Variants in SLC15A5 observed in about 807,000 individuals in gnomAD.
The protein encoded by SLC15A5 is solute carrier family 15 member 5, also known as Peptide/histidine transporter ENSP00000340402.
Under a neutral mutation model 56.1 loss-of-function variants are expected in SLC15A5, and 58 were observed. That is an observed-to-expected ratio of 1.03 (90% confidence interval 0.84 to 1.29). The LOEUF (loss-of-function observed/expected upper bound fraction) is 1.29. SLC15A5 is among the 50% of genes most tolerant of loss of function. SLC15A5 has a pLI of 0.00. For synonymous variants in SLC15A5, 264 were observed against 250.5 expected (o/e 1.05, Z -0.51); for missense variants, 681 against 672.1 (o/e 1.01, Z -0.15).
At chr12:16,191,712 C>T (rs1302119341) in intron 8 of SLC15A5, among the ~76,000 whole-genome samples, 3 of 152,096 alleles carry the variant, frequency 2.0e-5, no homozygotes, top group African/African-American at 7.2e-5. Flanking sequence ...TCTCAGGTTT[C>T]ATACTGTGTC....
chr12:16,205,816 C>T (rs1225560176), intron 7 of SLC15A5, among the ~76,000 whole-genome samples: 1 of 151,844 alleles, frequency 6.6e-6, no homozygotes, highest in African/African-American at 2.4e-5. Context: ...AATATTTCCC[C>T]TCTTTACAAA....
rs1470103164 is a variant in SLC15A5, at chr12:16,277,613, C to T, written c.73G>A (p.Val25Ile). ...GAACACAAATCGCCAATATGTCTTA[C>T]AGTTTTCTCCTTCTCAATGCTGTGA... is the stretch of plus-strand genomic sequence containing the variant. ...LYHSIEKEKT[V>I]RHIGDLCSSH... is the part of the protein sequence containing the mutation. The change falls in exon 1 of 9, where the codon GTA (valine) becomes ATA (isoleucine). Residue 25 changes from valine (V) to isoleucine (I), a missense_variant. Val to Ile is a conservative substitution (Grantham distance 29, BLOSUM62 3). Coordinates refer to ENST00000344941, the MANE Select transcript of SLC15A5 (RefSeq NM_001170798.1). 46 of 1,536,180 alleles carry T rather than the reference C, an allele frequency of 3.0e-5. No homozygotes were observed. Among genetic ancestry groups the T allele is most frequent in the Non-Finnish European group, 3.9e-5 (45 of 1,146,334 alleles).
chr12:16,214,340 A>C (rs764260185), intron 7 of SLC15A5, among the ~76,000 whole-genome samples: 1 of 152,198 alleles, frequency 6.6e-6, no homozygotes, highest in Non-Finnish European at 1.5e-5. Flanking sequence ...TCTGTTATTT[A>C]GGGTGGGACC....
At chr12:16,241,258 CTGCTTCACCACCATCCTGGGAGAGCAG>C (rs1389035604) in intron 4 of SLC15A5, among the ~76,000 whole-genome samples, 1 of 152,192 alleles carries the variant, frequency 6.6e-6, no homozygotes, top group Non-Finnish European at 1.5e-5. Flanking sequence ...ATTAGGATCC[CTGCTTCACCACCATCCTGGGAGAGCAG>C]CCTCGCTCAA....
intron 3 of SLC15A5, among the ~76,000 whole-genome samples, chr12:16,257,250 G>A (rs1245478219): frequency 6.6e-6 from 1 of 151,910 alleles, no homozygotes; most frequent in East Asian, 1.9e-4. Context: ...CAAAATACAA[G>A]AATAAGAAAT....
At chr12:16,206,079 A>G (rs575280746) in intron 7 of SLC15A5, among the ~76,000 whole-genome samples, 2 of 152,302 alleles carry the variant, frequency 1.3e-5, no homozygotes, top group South Asian at 4.1e-4. Flanking sequence ...CTTGGGAGCG[A>G]AAAAGGGTGC....
At chr12:16,265,216 TA>T in intron 2 of SLC15A5, among the ~76,000 whole-genome samples, 1 of 152,254 alleles carries the variant, frequency 6.6e-6, no homozygotes, top group African/African-American at 2.4e-5. Context: ...ACAGCTATTG[TA>T]AGTCTGGATG....
intron 4 of SLC15A5, 68 bp from the exon 5 acceptor site, chr12:16,239,935 C>T: frequency 7.3e-7 from 1 of 1,376,322 alleles, no homozygotes; most frequent in Non-Finnish European, 9.8e-7. Flanking sequence ...CATCGTCCAC[C>T]AGAGGCCTAC....
intron 5 of SLC15A5, among the ~76,000 whole-genome samples, chr12:16,229,132 A>G (rs1333428989): frequency 6.6e-6 from 1 of 152,254 alleles, no homozygotes; most frequent in Non-Finnish European, 1.5e-5. Flanking sequence ...AGCACCCAGC[A>G]GCCAGATTGA....
chr12:16,239,645 C>T, intron 5 of SLC15A5, 36 bp downstream of exon 5: 1 of 1,519,466 alleles, frequency 6.6e-7, no homozygotes, highest in Non-Finnish European at 8.8e-7. Flanking sequence ...AAAAAAGTTT[C>T]AAACGATTCG....
At chr12:16,264,691 A>G (rs1864676294) in intron 2 of SLC15A5, among the ~76,000 whole-genome samples, 2 of 152,178 alleles carry the variant, frequency 1.3e-5, no homozygotes, top group African/African-American at 4.8e-5. Flanking sequence ...TCATGGGGGC[A>G]CATCTTTCCC....
At chr12:16,214,654 G>A (rs80112684) in intron 7 of SLC15A5, among the ~76,000 whole-genome samples, 6,670 of 152,218 alleles carry the variant, frequency 0.044, 201 homozygotes, top group African/African-American at 0.07. Flanking sequence ...TATTGATGTG[G>A]TTAGTGCATA....
chr12:16,217,146 T>G, intron 6 of SLC15A5, 122 bp from the exon 7 acceptor site: 1 of 1,063,618 alleles, frequency 9.4e-7, no homozygotes, highest in Non-Finnish European at 1.3e-6. Flanking sequence ...AAATTTGGGT[T>G]GGACTTTGTT....
At chr12:16,270,005 G>A (rs1864733804) in intron 2 of SLC15A5, among the ~76,000 whole-genome samples, 1 of 152,190 alleles carries the variant, frequency 6.6e-6, no homozygotes, top group South Asian at 2.1e-4. Context: ...TGGAAAGCCA[G>A]GCTCTGATCT....
intron 5 of SLC15A5, 106 bp from the exon 6 acceptor site, chr12:16,224,708 G>T (rs1864222458): frequency 8.8e-7 from 1 of 1,133,580 alleles, no homozygotes; most frequent in South Asian, 1.9e-5. Flanking sequence ...TTTCTTTTTT[G>T]TTTGTTTGTT....
chr12:16,257,133 CAG>C (rs758829657), intron 3 of SLC15A5, among the ~76,000 whole-genome samples: 21 of 151,534 alleles, frequency 1.4e-4, no homozygotes, highest in African/African-American at 3.4e-4. Context: ...GTGTGTGTGA[CAG>C]AGAGAGAGAG....
intron 3 of SLC15A5, among the ~76,000 whole-genome samples, chr12:16,248,261 G>C (rs1037417511): frequency 1.3e-5 from 2 of 152,088 alleles, no homozygotes; most frequent in South Asian, 4.1e-4. Context: ...AAGGTCAGGA[G>C]AGAGGTCAAT....
At chr12:16,276,393 A>T (rs1864821252) in intron 1 of SLC15A5, among the ~76,000 whole-genome samples, 1 of 152,048 alleles carries the variant, frequency 6.6e-6, no homozygotes, top group South Asian at 2.1e-4. Flanking sequence ...CAAGTTGCTC[A>T]GATCAGAAAC....
chr12:16,225,515 G>T (rs1458077101), intron 5 of SLC15A5, among the ~76,000 whole-genome samples: 1 of 152,140 alleles, frequency 6.6e-6, no homozygotes, highest in African/African-American at 2.4e-5. Context: ...GAGTGAACAG[G>T]CAACCTACAG....
Sources: gnomAD v4.1 joint callset for allele counts (sites outside exome capture counted in the v4.1 genomes callset) on GRCh38, gnomAD v4.1.1 for gene constraint, MANE v1.5 for transcripts, NCBI Gene and HGNC (gene_info 2026-07-23, HGNC 2026-07-21) for gene names.